The following TMEM132D variants were observed in gnomAD, a reference collection of about 807,000 sequenced individuals.
TMEM132D encodes the protein mature OL transmembrane protein.
TMEM132D carries 21 observed loss-of-function variants against 62.3 expected under a neutral mutation model. The ratio of observed to expected loss-of-function variants is 0.34; its 90% confidence interval spans 0.24 to 0.49. TMEM132D has a LOEUF of 0.49. Ranked by LOEUF, TMEM132D falls within the 20% of genes least tolerant of loss-of-function variation. The probability of loss-of-function intolerance (pLI) is 0.99; values close to 1 mark genes in which losing one functional copy is unlikely to be tolerated. For missense variants in TMEM132D, 1,346 were observed against 1,402.8 expected, an observed-to-expected ratio of 0.96 and a Z score of 0.65; for synonymous variants, 621 against 575.6, an observed-to-expected ratio of 1.08 and a Z score of -1.13.
chr12:129,487,038 G>C (rs1003344849), intron 3 of TMEM132D, among the ~76,000 whole-genome samples: 20 of 152,034 alleles, frequency 1.3e-4, no homozygotes, highest in Non-Finnish European at 2.1e-4. Flanking sequence ...GTATGGGGGG[G>C]GGGGTTGTGG....
intron 1 of TMEM132D, among the ~76,000 whole-genome samples, chr12:129,819,452 A>C (rs10847955): frequency 0.65 from 98,533 of 151,576 alleles, 32,896 homozygotes; most frequent in Non-Finnish European, 0.74. Context: ...CCGTGCAAGC[A>C]AGCCCCCAGT....
At position 129,073,449 on chromosome 12, in the gene TMEM132D, TGATCCATGGATGC is replaced by T. The variant is rs142279858; in HGVS notation, c.*413_*425del. ...GTTTCGATGACACGCTTCCTCCCAT[TGATCCATGGATGC>T]GATCCATGGATGCTCCACCTGAGTT... On this transcript the variant is annotated 3_prime_UTR_variant, in exon 9 of 9. Coordinates refer to ENST00000422113, the MANE Select transcript of TMEM132D (RefSeq NM_133448.3). 6.1e-4 allele frequency: 94 copies of T among 155,092 alleles called. No individual in the cohort carries two copies. The highest frequency in any genetic ancestry group is 1.1e-3 in the Non-Finnish European group (74 of 70,096). 9.6% of individuals were successfully genotyped at this position (155,092 alleles called of 1,614,324 possible). A position where few individuals can be genotyped will look rare whatever the true frequency, so the allele number is the denominator to read the frequency against.
In TMEM132D at chr12:129,600,752, A is replaced by C. The variant is rs1386650775; in HGVS notation, c.969-69547T>G. 3.3e-5 allele frequency among the ~76,000 whole-genome samples: 5 copies of C among 152,314 alleles called. No homozygotes were observed. The South Asian group carries it at 1.0e-3, about 32-fold the overall frequency. ...TTAAAGGCATCTTTTTTTCTGAGCA[A>C]CAGATCTCAACAGTGGGCTTAAAAT... On this transcript the variant is annotated intron_variant, in intron 2 of 8. Coordinates refer to ENST00000422113, the MANE Select transcript of TMEM132D (RefSeq NM_133448.3).
intron 3 of TMEM132D, among the ~76,000 whole-genome samples, chr12:129,414,444 A>C (rs561236771): frequency 6.6e-6 from 1 of 152,320 alleles, no homozygotes; most frequent in South Asian, 2.1e-4. Context: ...CATTTCCCCC[A>C]GCTTTACTAA....
At chr12:129,361,624 A>G (rs1444858908) in intron 3 of TMEM132D, among the ~76,000 whole-genome samples, 1 of 152,200 alleles carries the variant, frequency 6.6e-6, no homozygotes, top group Non-Finnish European at 1.5e-5. Flanking sequence ...GTCCATGGCA[A>G]ATGCTATTGT....
intron 2 of TMEM132D, among the ~76,000 whole-genome samples, chr12:129,632,015 G>A (rs143393804): frequency 4.1e-4 from 63 of 152,228 alleles, no homozygotes; most frequent in Admixed American, 3.7e-3. Flanking sequence ...CCAGGAAGAC[G>A]TTCACTGCAG....
chr12:129,410,605 G>A (rs772650329), intron 3 of TMEM132D, among the ~76,000 whole-genome samples: 2 of 152,174 alleles, frequency 1.3e-5, no homozygotes, highest in East Asian at 1.9e-4. Context: ...TGATCCACCC[G>A]CCTCAGCCTC....
intron 4 of TMEM132D, among the ~76,000 whole-genome samples, chr12:129,327,864 A>G (rs139609018): frequency 6.2e-4 from 94 of 152,338 alleles, no homozygotes; most frequent in African/African-American, 1.8e-3. Context: ...AACATCTTGA[A>G]CCAGAAATCC....
At chr12:129,864,819 T>C (rs1469332824) in intron 1 of TMEM132D, among the ~76,000 whole-genome samples, 1 of 152,248 alleles carries the variant, frequency 6.6e-6, no homozygotes, top group Non-Finnish European at 1.5e-5. Flanking sequence ...ACATTCAGCA[T>C]GCTCTGCACT....
chr12:129,636,697 A>AGTGTGT (rs1879485741), intron 2 of TMEM132D, among the ~76,000 whole-genome samples: 4 of 46,410 alleles, frequency 8.6e-5, no homozygotes, highest in African/African-American at 3.0e-4. Flanking sequence ...TTCATACAGA[A>AGTGTGT]ATGTGTGTGT....
chr12:129,269,962 A>T (rs1880808607), intron 4 of TMEM132D, among the ~76,000 whole-genome samples: 1 of 152,178 alleles, frequency 6.6e-6, no homozygotes, highest in South Asian at 2.1e-4. Flanking sequence ...GAGGGATTCC[A>T]TCTGATGGGT....
chr12:129,692,848 G>A (rs895562940), intron 2 of TMEM132D, among the ~76,000 whole-genome samples: 8 of 152,038 alleles, frequency 5.3e-5, no homozygotes, highest in African/African-American at 1.9e-4. Flanking sequence ...GGCCTGTCGG[G>A]GGAGGGCAGT....
chr12:129,191,755 C>A (rs1217507529), intron 5 of TMEM132D, among the ~76,000 whole-genome samples: 1 of 150,612 alleles, frequency 6.6e-6, no homozygotes, highest in East Asian at 2.0e-4. Context: ...GAACCATACA[C>A]ACACACAGAA....
chr12:129,234,854 G>T (rs979383680), intron 4 of TMEM132D, among the ~76,000 whole-genome samples: 17 of 152,128 alleles, frequency 1.1e-4, no homozygotes, highest in African/African-American at 4.1e-4. Context: ...TTTTGATAAG[G>T]ATAGATGTAT....
intron 1 of TMEM132D, among the ~76,000 whole-genome samples, chr12:129,861,248 A>G (rs953400850): frequency 6.6e-6 from 1 of 152,238 alleles, no homozygotes; most frequent in African/African-American, 2.4e-5. Context: ...AGAAACATAG[A>G]GGATGTGATC....
chr12:129,755,007 A>G lies in TMEM132D; in HGVS notation c.80-54309T>C, dbSNP rs533574287. ...AAAAATTTTCCAAAACTTGGAATCA[A>G]AGCAGTTGGTAACTCCTGTCCTTTC... On this transcript the variant is annotated intron_variant, in intron 1 of 8. Transcript: ENST00000422113. Among the ~76,000 whole-genome samples, 59 of 152,304 alleles carry G rather than the reference A, an allele frequency of 3.9e-4. 2 individuals carry two copies. In the South Asian group the frequency reaches 0.012, roughly 30 times the overall value.
At chr12:129,393,019 A>G (rs1871330948) in intron 3 of TMEM132D, among the ~76,000 whole-genome samples, 2 of 152,256 alleles carry the variant, frequency 1.3e-5, no homozygotes, top group Non-Finnish European at 2.9e-5. Flanking sequence ...AGATAGTCCT[A>G]GAACGAACAG....
At position 129,371,925 on chromosome 12, in the gene TMEM132D, CTTG is replaced by C. The variant is rs1870615813; in HGVS notation, c.1116-34111_1116-34109del. On this transcript the variant is annotated intron_variant, in intron 3 of 8. Coordinates refer to ENST00000422113, the MANE Select transcript of TMEM132D (RefSeq NM_133448.3). This position sits in a 1 kb window ranked among gnomAD's most constrained non-coding sequence, Gnocchi z 4.3. The stretch of plus-strand genomic sequence containing the variant: ...GCCCAGATCCTGAGATGCCAGCATT[CTTG>C]TTGTTGTGATAGTTAGCATGTGGAC... Among the ~76,000 whole-genome samples, 2 of 152,084 alleles carry C rather than the reference CTTG, an allele frequency of 1.3e-5. No homozygotes were observed. The highest frequency in any genetic ancestry group is 4.1e-4 in the South Asian group (2 of 4,822).
intron 2 of TMEM132D, among the ~76,000 whole-genome samples, chr12:129,686,556 G>C (rs983962202): frequency 1.3e-5 from 2 of 152,096 alleles, no homozygotes; most frequent in Non-Finnish European, 2.9e-5. Flanking sequence ...CTTTATAGCA[G>C]CATGAGAACA....
Sources: allele counts gnomAD v4.1 joint callset (sites outside exome capture counted in the v4.1 genomes callset), GRCh38; gene constraint gnomAD v4.1.1; non-coding constraint Gnocchi (gnomAD v3.1); transcripts MANE v1.5; gene names NCBI Gene and HGNC (gene_info 2026-07-23, HGNC 2026-07-21).